Variants in RARS2 observed in about 807,000 individuals in gnomAD.
RARS2 encodes the protein probable arginine--tRNA ligase, mitochondrial.
In RARS2, 67 loss-of-function variants were observed where a neutral mutation model predicts 88.5. The ratio of observed to expected loss-of-function variants is 0.76; its 90% CI spans 0.62 to 0.93. The LOEUF is 0.93. Among genes scored for constraint, RARS2 ranks in the 40% least tolerant of loss-of-function variants. The probability of loss-of-function intolerance (pLI) is 0.00; values close to 1 mark genes in which losing one functional copy is unlikely to be tolerated. For missense variants in RARS2, 664 were observed against 684.2 expected (o/e 0.97, Z 0.33); for synonymous variants, 239 against 230.3 (o/e 1.04, Z -0.34).
At position 87,526,802 on chromosome 6, in the gene RARS2, C is replaced by A. The variant is rs553593474; in HGVS notation, c.879-2150G>T. Among the ~76,000 whole-genome samples, 8 of 151,652 alleles carry A rather than the reference C, an allele frequency of 5.3e-5. No homozygotes were observed. In the South Asian group the frequency reaches 1.7e-3, roughly 32 times the overall value. Reference sequence around the variant, plus strand: ...TCTCCTGCCTGAGCCTCCCAAGTAGCTGGGATTACAGGCATGCCCCACCAC... The same window carrying A: ...TCTCCTGCCTGAGCCTCCCAAGTAGATGGGATTACAGGCATGCCCCACCAC... On this transcript the variant is annotated intron_variant, in intron 10 of 19. Coordinates refer to ENST00000369536, the MANE Select transcript of RARS2 (RefSeq NM_020320.5).
At chr6:87,547,532 T>A (rs914340746) in intron 6 of RARS2, among the ~76,000 whole-genome samples, 1 of 152,232 alleles carries the variant, frequency 6.6e-6, no homozygotes, top group Admixed American at 6.5e-5. Context: ...AGTTTTTAAA[T>A]TGACCTGCTG....
At chr6:87,567,489 G>A (rs556263895) in intron 2 of RARS2, among the ~76,000 whole-genome samples, 1 of 152,160 alleles carries the variant, frequency 6.6e-6, no homozygotes, top group South Asian at 2.1e-4. Flanking sequence ...TCAGATAGTA[G>A]ACAGAAAATA....
intron 5 of RARS2, among the ~76,000 whole-genome samples, chr6:87,555,009 C>T (rs1402425657): frequency 6.6e-6 from 1 of 151,914 alleles, no homozygotes; most frequent in Admixed American, 6.6e-5. Context: ...GAGGCTGAGG[C>T]AGGAGAATGG....
chr6:87,575,225 G>GCGCACACACACACACA (rs137938502), intron 1 of RARS2, among the ~76,000 whole-genome samples: 2 of 114,562 alleles, frequency 1.7e-5, no homozygotes, highest in Non-Finnish European at 3.6e-5. Context: ...AAAATAGAAA[G>GCGCACACACACACACA]CACACACACA....
chr6:87,557,330 A>C (rs1786289967), intron 4 of RARS2, among the ~76,000 whole-genome samples: 1 of 152,252 alleles, frequency 6.6e-6, no homozygotes, highest in Admixed American at 6.5e-5. Context: ...TGTCTGTCGT[A>C]AACTAGGGTC....
chr6:87,514,823 C>T, intron 19 of RARS2, 134 bp downstream of exon 19: 2 of 775,426 alleles, frequency 2.6e-6, no homozygotes. Flanking sequence ...TTGTTACAGC[C>T]TAATTATTAG....
At chr6:87,586,277 G>A (rs1775130559) in intron 1 of RARS2, among the ~76,000 whole-genome samples, 1 of 152,130 alleles carries the variant, frequency 6.6e-6, no homozygotes, top group Admixed American at 6.5e-5. Flanking sequence ...AAAATCAACA[G>A]GACTTGCTGA....
intron 1 of RARS2, among the ~76,000 whole-genome samples, chr6:87,572,111 A>G (rs1005596012): frequency 1.4e-5 from 2 of 141,488 alleles, no homozygotes; most frequent in Non-Finnish European, 3.1e-5. Flanking sequence ...AAAAAAAAAA[A>G]GGATCCAAAT....
At chr6:87,541,491 A>C (rs1443731339) in intron 8 of RARS2, among the ~76,000 whole-genome samples, 2 of 151,960 alleles carry the variant, frequency 1.3e-5, no homozygotes, top group African/African-American at 4.8e-5. Flanking sequence ...CAACATTTTC[A>C]ATTATGTTTT....
Position 87,586,924 on chromosome 6 carries a change from T to A in RARS2, c.36+2998A>T, listed in dbSNP as rs999503548. ...TATTTATTTATTTATTTATTTATTTTTTGAGACAGGGTCTTGCTTTACCAC... is the reference window on the plus strand; with the variant it reads ...TATTTATTTATTTATTTATTTATTTATTGAGACAGGGTCTTGCTTTACCAC... On this transcript the variant is annotated intron_variant, in intron 1 of 19. Transcript: ENST00000369536. Among the ~76,000 whole-genome samples the A allele has an allele frequency of 8.9e-5, 13 of 145,944 alleles. No homozygotes were observed. In the South Asian group the frequency reaches 1.7e-3, roughly 19 times the overall value.
At chr6:87,582,383 T>C (rs1335367554) in intron 1 of RARS2, among the ~76,000 whole-genome samples, 1 of 152,228 alleles carries the variant, frequency 6.6e-6, no homozygotes, top group Non-Finnish European at 1.5e-5. Context: ...TTTCGAATGT[T>C]TGTGGCCACA....
At chr6:87,576,274 CTT>C (rs55999428) in intron 1 of RARS2, among the ~76,000 whole-genome samples, 3 of 80,800 alleles carry the variant, frequency 3.7e-5, no homozygotes, top group African/African-American at 5.5e-5. Flanking sequence ...ACACAAATTT[CTT>C]TTTTTTTTTT....
chr6:87,579,322 G>A (rs1772646206), intron 1 of RARS2, among the ~76,000 whole-genome samples: 1 of 152,164 alleles, frequency 6.6e-6, no homozygotes, highest in African/African-American at 2.4e-5. Flanking sequence ...CTGGGCAGAA[G>A]GATGTAAAAC....
intron 1 of RARS2, among the ~76,000 whole-genome samples, chr6:87,570,977 T>C (rs576320253): frequency 6.6e-6 from 1 of 152,336 alleles, no homozygotes; most frequent in East Asian, 1.9e-4. Context: ...GGAATTTACT[T>C]AACTTGCCTA....
intron 1 of RARS2, among the ~76,000 whole-genome samples, chr6:87,577,329 C>CT (rs1288703565): frequency 6.6e-6 from 1 of 152,116 alleles, no homozygotes; most frequent in African/African-American, 2.4e-5. Flanking sequence ...GTAGCTGGGA[C>CT]TACAGGTGTA....
In RARS2 at chr6:87,519,710, A is replaced by G. The variant is rs1289119807; in HGVS notation, c.1113-3T>C. 9 of 1,613,860 alleles carry G rather than the reference A, an allele frequency of 5.6e-6. No homozygotes were observed. Among genetic ancestry groups the G allele is most frequent in the Non-Finnish European group, 7.6e-6 (9 of 1,179,862 alleles). On this transcript the variant is annotated splice_polypyrimidine_tract_variant and splice_region_variant and intron_variant, in intron 13 of 19. Coordinates refer to ENST00000369536, the MANE Select transcript of RARS2 (RefSeq NM_020320.5). ...CTCCAAAGGGCACGTGCTGGCACCT[A>G]AAAGAGTGGGCATCTAGTTAACTGA... is the stretch of plus-strand genomic sequence containing the variant.
In RARS2 at chr6:87,579,419, C is replaced by CG. The variant is rs1336766539; in HGVS notation, c.37-9830dup. Among the ~76,000 whole-genome samples the CG allele has an allele frequency of 3.0e-4, 46 of 152,224 alleles. No individual in the cohort carries two copies. The Middle Eastern group carries it at 0.014, about 45-fold the overall frequency. Reference sequence around the variant, plus strand: ...GCCGTTCGGTAGTGGTTATCAAGCTCGGATGAACATCTGAATCACCTGATA... The same window carrying CG: ...GCCGTTCGGTAGTGGTTATCAAGCTCGGGATGAACATCTGAATCACCTGATA... On this transcript the variant is annotated intron_variant, in intron 1 of 19. Transcript: ENST00000369536.
chr6:87,573,955 C>T (rs1770614847), intron 1 of RARS2, among the ~76,000 whole-genome samples: 2 of 152,220 alleles, frequency 1.3e-5, no homozygotes, highest in African/African-American at 4.8e-5. Context: ...GCAAGGCTAA[C>T]TCAGTCCTCA....
chr6:87,541,676 T>A (rs907984036), intron 8 of RARS2, among the ~76,000 whole-genome samples: 3 of 152,014 alleles, frequency 2.0e-5, no homozygotes, highest in African/African-American at 7.2e-5. Flanking sequence ...ATACAAAAAT[T>A]AGCTGGTTAT....
Sources: gnomAD v4.1 joint callset for allele counts (sites outside exome capture counted in the v4.1 genomes callset) on GRCh38, gnomAD v4.1.1 for gene constraint, MANE v1.5 for transcripts, NCBI Gene and HGNC (gene_info 2026-07-23, HGNC 2026-07-21) for gene names.